THADA: variants seen among roughly 807,000 people sequenced by gnomAD.
THADA encodes the protein tRNA (32-2'-O)-methyltransferase regulator THADA.
A neutral mutation model predicts 219.8 loss-of-function variants in THADA; 213 were observed. The ratio of observed to expected loss-of-function variants is 0.97; its 90% CI spans 0.87 to 1.09. The LOEUF is 1.09. Among genes scored for constraint, THADA ranks in the 50% least tolerant of loss-of-function variants. The pLI is 0.00. For missense variants in THADA, 2,956 were observed against 2,311.3 expected (o/e 1.28, Z -5.72); for synonymous variants, 1,018 against 828.9 (o/e 1.23, Z -3.92).
At chr2:43,310,234 CCCA>C (rs1677355072) in intron 31 of THADA, among the ~76,000 whole-genome samples, 1 of 129,168 alleles carries the variant, frequency 7.7e-6, no homozygotes, top group Non-Finnish European at 1.6e-5. Flanking sequence ...CCGCCCCCCC[CCCA>C]AACAAGCTGA....
rs772635151 is a variant in THADA, at chr2:43,574,963, T to C, written c.1102A>G (p.Ile368Val). The stretch of plus-strand genomic sequence containing the variant: ...GGGGAACTTGATTCAAGGACTTGTA[T>C]GGCTGAATTAGTCCAGGATGCTAAG... ...RILASWTNSA[I>V]QVLESSSPSL... Residue 368 changes from isoleucine to valine, a missense_variant, in exon 11 of 38, where the codon ATA becomes GTA. Coordinates refer to ENST00000405975, the MANE Select transcript of THADA (RefSeq NM_022065.5). 5.6e-6 allele frequency: 9 copies of C among 1,614,020 alleles called. No homozygotes were observed. The East Asian group carries it at 6.7e-5, about 12-fold the overall frequency.
intron 36 of THADA, among the ~76,000 whole-genome samples, chr2:43,279,495 T>A (rs910283787): frequency 2.0e-5 from 3 of 152,228 alleles, no homozygotes; most frequent in African/African-American, 7.2e-5. Context: ...AAATAATTTT[T>A]CTTTAGGATG....
chr2:43,553,614 C>G (rs1697005036), intron 17 of THADA, among the ~76,000 whole-genome samples: 1 of 152,192 alleles, frequency 6.6e-6, no homozygotes, highest in African/African-American at 2.4e-5. Flanking sequence ...GTTATAGCAG[C>G]TCGAGCTAAG....
chr2:43,433,376 A>G (rs553487614), intron 26 of THADA, among the ~76,000 whole-genome samples: 11 of 152,144 alleles, frequency 7.2e-5, no homozygotes, highest in Middle Eastern at 6.8e-3. Flanking sequence ...AAAAATATAT[A>G]AAATTAGCCG....
intron 12 of THADA, 136 bp downstream of exon 12, chr2:43,572,678 G>C (rs996014811): frequency 3.0e-6 from 2 of 658,596 alleles, no homozygotes; most frequent in African/African-American, 3.8e-5. Context: ...GTTTAGTTGG[G>C]AGACTAGGGT....
At chr2:43,429,465 T>G (rs1395061898) in intron 27 of THADA, among the ~76,000 whole-genome samples, 3 of 152,098 alleles carry the variant, frequency 2.0e-5, no homozygotes, top group Admixed American at 6.6e-5. Context: ...GTAATGGCTT[T>G]GCTCTGTGTT....
Position 43,508,675 on chromosome 2 carries a change from G to C in THADA, c.3480C>G (p.Arg1160=), listed in dbSNP as rs780841889. ...DPSSKLCATR[R]SAGIPFYIQA... is the part of the protein sequence containing the mutation. Reference sequence around the variant, plus strand: ...GTATGTAGAAAGGAATTCCAGCACTGCGCCTTGTAGCACAGAGTTTAGATG... The same window carrying C: ...GTATGTAGAAAGGAATTCCAGCACTCCGCCTTGTAGCACAGAGTTTAGATG... The change falls in exon 23 of 38, where the codon CGC becomes CGG. Residue 1160 remains arginine, a synonymous_variant. Transcript: ENST00000405975. 1.5e-5 allele frequency: 25 copies of C among 1,613,498 alleles called. No individual in the cohort carries two copies. The highest frequency in any genetic ancestry group is 2.1e-5 in the Non-Finnish European group (25 of 1,179,648).
chr2:43,479,855 T>C (rs1198443114), intron 26 of THADA, among the ~76,000 whole-genome samples: 1 of 152,194 alleles, frequency 6.6e-6, no homozygotes. Flanking sequence ...CACATCCTTA[T>C]TGTCTTTTAC....
intron 20 of THADA, among the ~76,000 whole-genome samples, chr2:43,544,416 G>T (rs1203415027): frequency 3.3e-5 from 5 of 152,098 alleles, no homozygotes; most frequent in East Asian, 3.9e-4. Context: ...GTGAAGAAAG[G>T]CATTGGTAGC....
At chr2:43,476,309 CT>C (rs1418938327) in intron 26 of THADA, among the ~76,000 whole-genome samples, 2 of 152,100 alleles carry the variant, frequency 1.3e-5, no homozygotes, top group Non-Finnish European at 2.9e-5. Flanking sequence ...ACTGCAGTGT[CT>C]GGATATGATG....
intron 36 of THADA, among the ~76,000 whole-genome samples, chr2:43,256,755 T>A (rs1229156282): frequency 6.6e-6 from 1 of 151,818 alleles, no homozygotes; most frequent in African/African-American, 2.4e-5. Context: ...ATTTTCTTAT[T>A]TTTTGTACAG....
chr2:43,425,027 T>G (rs1414556324), intron 28 of THADA, among the ~76,000 whole-genome samples: 1 of 152,200 alleles, frequency 6.6e-6, no homozygotes. Context: ...TGCATACATT[T>G]CAGACCCTAT....
intron 28 of THADA, among the ~76,000 whole-genome samples, chr2:43,427,682 C>A (rs1176406011): frequency 6.7e-6 from 1 of 149,088 alleles, no homozygotes; most frequent in East Asian, 1.9e-4. Flanking sequence ...TATGGCCGGG[C>A]GCGGTGGCTC....
At chr2:43,555,240 TA>T (rs201739414) in intron 17 of THADA, among the ~76,000 whole-genome samples, 84 of 151,296 alleles carry the variant, frequency 5.6e-4, no homozygotes, top group African/African-American at 1.9e-3. Context: ...GCAATATTAT[TA>T]AAAAAAAGAA....
Position 43,561,970 on chromosome 2 carries a change from T to C in THADA, c.2312-1585A>G, listed in dbSNP as rs191301154. ...TTAATCATAAAAGGGTACTGAATTC[T>C]GTCAAATGCCTTTTCTGCAAAAATT... On this transcript the variant is annotated intron_variant, in intron 15 of 37. Transcript: ENST00000405975. Among the ~76,000 whole-genome samples the C allele has an allele frequency of 5.9e-5, 9 of 152,354 alleles. No individual in the cohort carries two copies. The East Asian group carries it at 1.7e-3, about 29-fold the overall frequency.
At chr2:43,317,974 C>T (rs542013589) in intron 31 of THADA, among the ~76,000 whole-genome samples, 1 of 152,280 alleles carries the variant, frequency 6.6e-6, no homozygotes, top group African/African-American at 2.4e-5. Context: ...CAAAGTTAAA[C>T]ACATATATTT....
intron 31 of THADA, among the ~76,000 whole-genome samples, chr2:43,313,271 C>T (rs13411986): frequency 0.027 from 4,129 of 152,240 alleles, 187 homozygotes; most frequent in African/African-American, 0.093. Flanking sequence ...GAGAGCCTGT[C>T]TTCTAATCGT....
chr2:43,511,646 C>G (rs546560281), intron 22 of THADA, among the ~76,000 whole-genome samples: 2 of 85,668 alleles, frequency 2.3e-5, no homozygotes, highest in South Asian at 3.6e-4. Flanking sequence ...CTCATACTAA[C>G]ATACAACACA....
At chr2:43,425,300 T>C (rs541369504) in intron 28 of THADA, among the ~76,000 whole-genome samples, 91 of 152,166 alleles carry the variant, frequency 6.0e-4, no homozygotes, top group Admixed American at 2.7e-3. Context: ...TCAACAAAGG[T>C]TGGTCTACTT....
Sources: allele counts gnomAD v4.1 joint callset (sites outside exome capture counted in the v4.1 genomes callset), GRCh38; gene constraint gnomAD v4.1.1; transcripts MANE v1.5; gene names NCBI Gene and HGNC (gene_info 2026-07-23, HGNC 2026-07-21).